The following EGF variants were observed in gnomAD, a reference collection of about 807,000 sequenced individuals.
EGF encodes the protein pro-epidermal growth factor.
Under a neutral mutation model 143.8 loss-of-function variants are expected in EGF, and 95 were observed. The observed-to-expected ratio is 0.66, with a 90% confidence interval of 0.56 to 0.78. The LOEUF (loss-of-function observed/expected upper bound fraction) is 0.78, where lower values mean the gene tolerates loss of function less well. Among genes scored for constraint, EGF ranks in the 30% least tolerant of loss-of-function variants. The pLI, the probability that EGF is intolerant of heterozygous loss-of-function variation, is 0.00. For missense variants in EGF, 1,320 were observed against 1,470.9 expected, an observed-to-expected ratio of 0.90 and a Z score of 1.68; for synonymous variants, 510 against 510.5, an observed-to-expected ratio of 1.00 and a Z score of 0.01.
At chr4:109,963,447 T>A in intron 9 of EGF, 149 bp downstream of exon 9, 1 of 913,632 alleles carries the variant, frequency 1.1e-6, no homozygotes, top group Non-Finnish European at 1.7e-6. Context: ...ATAATATGAG[T>A]AATAACAATA....
At chr4:109,969,526 A>C (rs1450702155) in intron 11 of EGF, among the ~76,000 whole-genome samples, 3 of 152,090 alleles carry the variant, frequency 2.0e-5, no homozygotes, top group Non-Finnish European at 4.4e-5. Context: ...TGGGTGTAGC[A>C]AACCACCATG....
At chr4:109,971,448 C>T (rs1409220648) in intron 11 of EGF, among the ~76,000 whole-genome samples, 1 of 152,132 alleles carries the variant, frequency 6.6e-6, no homozygotes, top group Non-Finnish European at 1.5e-5. Context: ...CAACCACTCT[C>T]GGGTCCACTA....
chr4:109,975,954 A>C (rs529549549), intron 12 of EGF, 58 bp from the exon 13 acceptor site: 1 of 1,547,714 alleles, frequency 6.5e-7, no homozygotes, highest in South Asian at 1.1e-5. Context: ...CAATGATGAA[A>C]GAACAGAATA....
At chr4:109,934,347 C>T (rs1740370172) in intron 1 of EGF, among the ~76,000 whole-genome samples, 1 of 152,196 alleles carries the variant, frequency 6.6e-6, no homozygotes, top group Admixed American at 6.5e-5. Flanking sequence ...TTGACACATA[C>T]ATAAATGTGG....
intron 5 of EGF, among the ~76,000 whole-genome samples, chr4:109,954,082 C>T (rs1355684371): frequency 2.0e-5 from 3 of 152,144 alleles, no homozygotes; most frequent in Non-Finnish European, 2.9e-5. Context: ...GACGGAGTCT[C>T]GCTCTGTCAC....
chr4:110,006,120 T>C (rs1753251087), intron 22 of EGF, among the ~76,000 whole-genome samples: 1 of 152,164 alleles, frequency 6.6e-6, no homozygotes, highest in Non-Finnish European at 1.5e-5. Flanking sequence ...GCAGGATTGC[T>C]TGAGGCCAGG....
At chr4:109,940,627 T>A (rs1333917842) in intron 1 of EGF, 5 of 288,132 alleles carry the variant, frequency 1.7e-5, no homozygotes, top group Non-Finnish European at 2.6e-5. Flanking sequence ...CACAATAGAA[T>A]ATGATGGGTG....
chr4:109,985,544 TG>T (rs370945719), intron 16 of EGF, among the ~76,000 whole-genome samples: 9 of 152,324 alleles, frequency 5.9e-5, no homozygotes, highest in Admixed American at 1.3e-4. Flanking sequence ...CTAACAGACA[TG>T]GACATGTGTG....
At chr4:109,991,611 G>A (rs1187457912) in intron 18 of EGF, among the ~76,000 whole-genome samples, 7 of 152,156 alleles carry the variant, frequency 4.6e-5, no homozygotes, top group African/African-American at 1.7e-4. Flanking sequence ...AGAAAAAATG[G>A]TGGGTAGTTG....
At chr4:109,981,190 G>A (rs924326226) in intron 15 of EGF, among the ~76,000 whole-genome samples, 6 of 152,164 alleles carry the variant, frequency 3.9e-5, no homozygotes, top group African/African-American at 1.4e-4. Context: ...AGTGGTAACA[G>A]TCTTAAGCTC....
At chr4:109,959,500 A>G (rs1745349626) in intron 6 of EGF, 63 bp downstream of exon 6, 1 of 1,610,270 alleles carries the variant, frequency 6.2e-7, no homozygotes, top group South Asian at 1.1e-5. Context: ...GGAATGCTCA[A>G]CTGAGCCAGC....
chr4:109,989,032 G>A (rs959106322), intron 18 of EGF, among the ~76,000 whole-genome samples: 1 of 152,184 alleles, frequency 6.6e-6, no homozygotes, highest in Non-Finnish European at 1.5e-5. Flanking sequence ...CATGGGGGGA[G>A]TTGGACAGCA....
intron 11 of EGF, among the ~76,000 whole-genome samples, chr4:109,972,836 A>C (rs17041111): frequency 6.6e-6 from 1 of 152,132 alleles, no homozygotes; most frequent in Non-Finnish European, 1.5e-5. Context: ...TGTTCCCTAC[A>C]CAGCACCTAG....
At chr4:109,955,090 T>C (rs914853800) in intron 5 of EGF, among the ~76,000 whole-genome samples, 3 of 152,090 alleles carry the variant, frequency 2.0e-5, no homozygotes, top group African/African-American at 7.2e-5. Flanking sequence ...TACATGGAGT[T>C]TGAGGTAGAC....
At position 109,988,653 on chromosome 4, in the gene EGF, G is replaced by A; in HGVS notation, c.2678G>A (p.Gly893Asp). 1 of 1,614,094 alleles carries A rather than the reference G, an allele frequency of 6.2e-7. No homozygotes were observed. The highest frequency in any genetic ancestry group is 8.5e-7 in the Non-Finnish European group (1 of 1,179,946). ...PASSKCINTE[G>D]GYVCRCSEGY... is the part of the protein sequence containing the mutation. ...TCCTCCAAGTGCATCAACACCGAAG[G>A]TGGTTATGTCTGCCGGTGCTCAGAA... Residue 893 changes from glycine to aspartate, a missense_variant, in exon 18 of 24, where the codon GGT becomes GAT. Gly to Asp is a moderately conservative substitution (Grantham distance 94, BLOSUM62 -1). Coordinates refer to ENST00000265171, the MANE Select transcript of EGF (RefSeq NM_001963.6).
intron 5 of EGF, among the ~76,000 whole-genome samples, chr4:109,955,171 A>G (rs1456828896): frequency 6.6e-6 from 1 of 152,222 alleles, no homozygotes; most frequent in African/African-American, 2.4e-5. Context: ...GGGCCAGGGT[A>G]AAATCTACAG....
Position 109,976,147 on chromosome 4 carries a change from G to C in EGF, c.1965G>C (p.Lys655Asn). 2 of 1,614,174 alleles carry C rather than the reference G, an allele frequency of 1.2e-6. No homozygotes were observed. The highest frequency in any genetic ancestry group is 1.1e-5 in the South Asian group (1 of 91,086). ...TAACGATTGACTTCTTAACTGACAA[G>C]TTGTACTGGTGCGATGCCAAGCAGT... Reference protein sequence around the residue: ...SGITIDFLTDKLYWCDAKQSV... With the variant: ...SGITIDFLTDNLYWCDAKQSV... Residue 655 changes from lysine to asparagine, a missense_variant, in exon 13 of 24, where the codon AAG becomes AAC. By Grantham distance (94) the Lys-to-Asn change is moderately conservative (BLOSUM62 0). This residue lies in a region of EGF where 1,186 missense variants were observed against 1,313.7 expected (regional missense o/e 0.90). Transcript: ENST00000265171.
At chr4:109,941,256 C>A in intron 2 of EGF, 111 bp downstream of exon 2, 3 of 967,532 alleles carry the variant, frequency 3.1e-6, no homozygotes, top group Non-Finnish European at 4.8e-6. Flanking sequence ...AGTTCAAATG[C>A]GTGTCTGCCA....
intron 22 of EGF, among the ~76,000 whole-genome samples, chr4:110,005,014 T>A (rs1210366828): frequency 2.0e-5 from 3 of 150,722 alleles, no homozygotes; most frequent in Non-Finnish European, 4.4e-5. Context: ...TCTTTCTTTC[T>A]TTTCTTTTTC....
Sources: gnomAD v4.1 joint callset for allele counts (sites outside exome capture counted in the v4.1 genomes callset) on GRCh38, gnomAD v4.1.1 for gene constraint, gnomAD v4.1.1 regional missense constraint, MANE v1.5 for transcripts, NCBI Gene and HGNC (gene_info 2026-07-23, HGNC 2026-07-21) for gene names.